TDRD9: variants seen among roughly 807,000 people sequenced by gnomAD.
TDRD9 encodes the protein ATP-dependent RNA helicase TDRD9.
TDRD9 carries 124 observed loss-of-function variants against 172.6 expected under a neutral mutation model. The observed-to-expected ratio is 0.72, with a 90% CI of 0.62 to 0.83. The LOEUF is 0.83. TDRD9 is among the 40% of genes least tolerant of loss of function. The pLI, the probability that TDRD9 is intolerant of heterozygous loss-of-function variation, is 0.00. For synonymous variants in TDRD9, 619 were observed against 617.1 expected (o/e 1.00, Z -0.05); for missense variants, 1,479 against 1,714.1 (o/e 0.86, Z 2.42).
In TDRD9 at chr14:103,986,334, C is replaced by G; in HGVS notation, c.1115+14C>G. 1 of 1,558,872 alleles carries G rather than the reference C, an allele frequency of 6.4e-7. No individual in the cohort carries two copies. Among genetic ancestry groups the G allele is most frequent in the Non-Finnish European group, 8.8e-7 (1 of 1,137,256 alleles). On this transcript the variant is annotated intron_variant, in intron 8 of 35. Coordinates refer to ENST00000409874, the MANE Select transcript of TDRD9 (RefSeq NM_153046.3). ...GAAGGAGAGTGGGTAAGAGATACTT[C>G]AGTTGGTAATGCACTTTAATGTATA... is the stretch of plus-strand genomic sequence containing the variant.
At chr14:103,979,170 TTAACA>T (rs2033372453) in intron 7 of TDRD9, among the ~76,000 whole-genome samples, 1 of 152,244 alleles carries the variant, frequency 6.6e-6, no homozygotes, top group Non-Finnish European at 1.5e-5. Context: ...CTTATTTCAC[TTAACA>T]TAATGTCCTC....
At chr14:104,046,361 G>T (rs2140932635) in intron 34 of TDRD9, among the ~76,000 whole-genome samples, 1 of 152,200 alleles carries the variant, frequency 6.6e-6, no homozygotes, top group African/African-American at 2.4e-5. Context: ...AATTTTTTAT[G>T]TTTAGGTTTT....
chr14:104,007,599 G>A (rs1227377874), intron 19 of TDRD9, among the ~76,000 whole-genome samples: 1 of 151,814 alleles, frequency 6.6e-6, no homozygotes, highest in Non-Finnish European at 1.5e-5. Context: ...TTTAGATAAC[G>A]GGCTTAAAAG....
At chr14:103,968,866 C>T (rs547613563) in intron 5 of TDRD9, among the ~76,000 whole-genome samples, 4 of 148,030 alleles carry the variant, frequency 2.7e-5, no homozygotes, top group Non-Finnish European at 5.9e-5. Context: ...TTTGGGAGGC[C>T]GAGGTGGGCG....
At chr14:103,990,856 A>G (rs1350573003) in intron 8 of TDRD9, among the ~76,000 whole-genome samples, 2 of 152,206 alleles carry the variant, frequency 1.3e-5, no homozygotes, top group Admixed American at 6.5e-5. Flanking sequence ...GTTATTTTAA[A>G]TGTTTTTTAC....
intron 34 of TDRD9, among the ~76,000 whole-genome samples, chr14:104,043,897 C>G (rs370526879): frequency 1.1e-4 from 16 of 152,340 alleles, no homozygotes; most frequent in African/African-American, 3.4e-4. Context: ...TGTCTGAGAA[C>G]AGGCCTTGGG....
At position 103,991,238 on chromosome 14, in the gene TDRD9, A is replaced by G; in HGVS notation, c.1180+14A>G. On this transcript the variant is annotated intron_variant, in intron 9 of 35. Coordinates refer to ENST00000409874, the MANE Select transcript of TDRD9 (RefSeq NM_153046.3). Reference sequence around the variant, plus strand: ...TGTTTTTGCCAGGTAAGAACATCATAATTTTGTGACTTGGAATCATAATAC... The same window carrying G: ...TGTTTTTGCCAGGTAAGAACATCATGATTTTGTGACTTGGAATCATAATAC... 1 of 1,613,776 alleles carries G rather than the reference A, an allele frequency of 6.2e-7. No homozygotes were observed. The highest frequency in any genetic ancestry group is 8.5e-7 in the Non-Finnish European group (1 of 1,179,792).
At chr14:103,943,343 A>G (rs2031357575) in intron 1 of TDRD9, among the ~76,000 whole-genome samples, 1 of 151,580 alleles carries the variant, frequency 6.6e-6, no homozygotes, top group Admixed American at 6.6e-5. Context: ...ACACGCACAT[A>G]TGTACATACA....
At chr14:103,946,196 C>A (rs1183045474) in intron 1 of TDRD9, among the ~76,000 whole-genome samples, 1 of 152,112 alleles carries the variant, frequency 6.6e-6, no homozygotes, top group Non-Finnish European at 1.5e-5. Flanking sequence ...TCCTGAACTC[C>A]TGGGTACAAG....
At chr14:104,044,016 CTG>C (rs2035688914) in intron 34 of TDRD9, among the ~76,000 whole-genome samples, 1 of 152,170 alleles carries the variant, frequency 6.6e-6, no homozygotes, top group Non-Finnish European at 1.5e-5. Flanking sequence ...CTGCTTAAGC[CTG>C]TGTGTCATAC....
At chr14:103,998,758 G>T in intron 13 of TDRD9, 30 bp downstream of exon 13, 1 of 1,148,402 alleles carries the variant, frequency 8.7e-7, no homozygotes, top group African/African-American at 1.5e-5. Flanking sequence ...GCACAATAAT[G>T]AGTCATTGGT....
intron 3 of TDRD9, 45 bp from the exon 4 acceptor site, chr14:103,965,288 A>C: frequency 6.7e-7 from 1 of 1,503,168 alleles, no homozygotes; most frequent in Middle Eastern, 1.9e-4. Flanking sequence ...GATACTTTAC[A>C]TTGCCATTTT....
At chr14:104,021,826 C>G (rs1322014938) in intron 23 of TDRD9, among the ~76,000 whole-genome samples, 1 of 152,136 alleles carries the variant, frequency 6.6e-6, no homozygotes, top group Non-Finnish European at 1.5e-5. Context: ...CTGTTATAAT[C>G]ATGAAAATTC....
intron 20 of TDRD9, among the ~76,000 whole-genome samples, chr14:104,008,829 G>T (rs1422495650): frequency 1.3e-5 from 2 of 152,220 alleles, no homozygotes; most frequent in Non-Finnish European, 2.9e-5. Flanking sequence ...TGAGAGGTTT[G>T]CATGAGCCTG....
chr14:104,051,894 T>C lies in TDRD9; in HGVS notation c.4048-87T>C, dbSNP rs1039435400. 10 of 758,222 alleles carry C rather than the reference T, an allele frequency of 1.3e-5. No individual in the cohort carries two copies. In the African/African-American group the frequency reaches 1.4e-4, roughly 11 times the overall value. 47.0% of individuals were successfully genotyped at this position (758,222 alleles called of 1,614,324 possible). Reference sequence around the variant, plus strand: ...TTTTGGAGAACTGAATTATACTTTGTGCATCCTGGATGTTAATGCATGTGT... The same window carrying C: ...TTTTGGAGAACTGAATTATACTTTGCGCATCCTGGATGTTAATGCATGTGT... On this transcript the variant is annotated intron_variant, in intron 35 of 35. Coordinates refer to ENST00000409874, the MANE Select transcript of TDRD9 (RefSeq NM_153046.3).
intron 7 of TDRD9, 44 bp downstream of exon 7, chr14:103,975,597 G>T (rs763724818): frequency 2.0e-5 from 31 of 1,533,370 alleles, no homozygotes; most frequent in Non-Finnish European, 2.6e-5. Context: ...GCGTACTCTT[G>T]TATTGGATCA....
rs747204023 is a variant in TDRD9, at chr14:104,022,221, G to A, written c.2497G>A (p.Ala833Thr). 14 of 1,598,034 alleles carry A rather than the reference G, an allele frequency of 8.8e-6. No individual in the cohort carries two copies. Among genetic ancestry groups the A allele is most frequent in the African/African-American group, 2.7e-5 (2 of 74,802 alleles). ...RFKTLPAVYM[A>T]IKMSQLKVSL... ...TAAAACCCTTCCTGCAGTATATATG[G>A]CAATTAAGATGTCTCAACTAAAAGT... The change falls in exon 24 of 36, where the codon GCA becomes ACA. Residue 833 changes from alanine (A) to threonine (T), a missense_variant. Physicochemically the swap from Ala to Thr is moderately conservative, Grantham distance 58. Transcript: ENST00000409874.
At chr14:103,931,525 T>A (rs2030388300) in intron 1 of TDRD9, among the ~76,000 whole-genome samples, 1 of 152,154 alleles carries the variant, frequency 6.6e-6, no homozygotes, top group African/African-American at 2.4e-5. Context: ...TATTATTGAA[T>A]CCGCACAACA....
At chr14:104,010,787 A>G (rs2034590409) in intron 20 of TDRD9, among the ~76,000 whole-genome samples, 1 of 152,186 alleles carries the variant, frequency 6.6e-6, no homozygotes, top group African/African-American at 2.4e-5. Context: ...CAAGTCTTAC[A>G]GTTGGCCCTG....
Sources: allele counts gnomAD v4.1 joint callset (sites outside exome capture counted in the v4.1 genomes callset), GRCh38; gene constraint gnomAD v4.1.1; transcripts MANE v1.5; gene names NCBI Gene and HGNC (gene_info 2026-07-23, HGNC 2026-07-21).